FAIM2: variants seen among roughly 807,000 people sequenced by gnomAD.
FAIM2 encodes the protein protein lifeguard 2.
Under a neutral mutation model 47.4 loss-of-function variants are expected in FAIM2, and 27 were observed. That is an observed-to-expected ratio of 0.57 (90% CI 0.42 to 0.78). The LOEUF is 0.78. Among genes scored for constraint, FAIM2 ranks in the 30% least tolerant of loss-of-function variants. FAIM2 has a pLI of 0.00. For synonymous variants in FAIM2, 156 were observed against 159.3 expected (o/e 0.98, Z 0.16); for missense variants, 311 against 389.4 (o/e 0.80, Z 1.69).
chr12:49,870,904 A>G (rs527424872), intron 11 of FAIM2, among the ~76,000 whole-genome samples: 1 of 152,398 alleles, frequency 6.6e-6, no homozygotes, highest in African/African-American at 2.4e-5. Context: ...CTGTCCTCAC[A>G]GAGCTTAGAG....
intron 11 of FAIM2, among the ~76,000 whole-genome samples, chr12:49,875,630 AAGG>A (rs1309602527): frequency 6.6e-6 from 1 of 152,154 alleles, no homozygotes. Context: ...CCCAGGATGA[AAGG>A]GGGGTAGTGT....
chr12:49,873,723 C>T (rs1946717773), intron 11 of FAIM2, among the ~76,000 whole-genome samples: 1 of 152,130 alleles, frequency 6.6e-6, no homozygotes, highest in African/African-American at 2.4e-5. Flanking sequence ...TGATTTCTGC[C>T]CCAGCCCTTG....
At chr12:49,871,330 A>C (rs892092642) in intron 11 of FAIM2, among the ~76,000 whole-genome samples, 1 of 152,194 alleles carries the variant, frequency 6.6e-6, no homozygotes, top group South Asian at 2.1e-4. Context: ...CCTGCTGCTA[A>C]CAGCACCCGG....
chr12:49,870,601 C>G lies in FAIM2; in HGVS notation c.854G>C (p.Ser285Thr), dbSNP rs1946695326. 3 of 1,614,026 alleles carry G rather than the reference C, an allele frequency of 1.9e-6. No homozygotes were observed. The highest frequency in any genetic ancestry group is 2.2e-5 in the East Asian group (1 of 44,888). The change falls in exon 12 of 12, where the codon AGC (serine) becomes ACC (threonine). Residue 285 changes from serine (S) to threonine (T), a missense_variant. Coordinates refer to ENST00000320634, the MANE Select transcript of FAIM2 (RefSeq NM_012306.4). ...LLMGNRRHSLSPEEYIFGALN... is the reference protein window; with the variant it reads ...LLMGNRRHSLTPEEYIFGALN... ...GGCTCCAAAAATATACTCCTCAGGG[C>G]TCAGCGAGTGGCGTCGGTTACCCAT... is the stretch of plus-strand genomic sequence containing the variant.
intron 1 of FAIM2, chr12:49,901,643 G>T: frequency 3.9e-6 from 1 of 258,254 alleles, no homozygotes; most frequent in Non-Finnish European, 7.3e-6. Context: ...CCAGAAAAGA[G>T]CCTGGCACAT....
At position 49,896,007 on chromosome 12, in the gene FAIM2, G is replaced by C. The variant is rs567701212; in HGVS notation, c.434+1024C>G. On this transcript the variant is annotated intron_variant, in intron 5 of 11. Transcript: ENST00000320634. ...ATTCTCGCCCCACGCTTTTGCTTAAGCCACTTGTCTCCTGGGAACGCTGTC... is the reference window on the plus strand; with the variant it reads ...ATTCTCGCCCCACGCTTTTGCTTAACCCACTTGTCTCCTGGGAACGCTGTC... Among the ~76,000 whole-genome samples, 7 of 152,234 alleles carry C rather than the reference G, an allele frequency of 4.6e-5. No individual in the cohort carries two copies. The South Asian group carries it at 1.2e-3, about 27-fold the overall frequency.
intron 5 of FAIM2, among the ~76,000 whole-genome samples, chr12:49,892,102 G>A (rs890931370): frequency 4.0e-5 from 6 of 151,784 alleles, no homozygotes; most frequent in Non-Finnish European, 7.4e-5. Flanking sequence ...AACCTCCCAG[G>A]CCCCCTCACT....
At chr12:49,879,723 CAA>C (rs1345507042) in intron 11 of FAIM2, among the ~76,000 whole-genome samples, 23 of 130,200 alleles carry the variant, frequency 1.8e-4, no homozygotes, top group African/African-American at 6.5e-4. Flanking sequence ...TGTATATGTG[CAA>C]GTGTGTGTCT....
Position 49,870,423 on chromosome 12 carries a change from T to A in FAIM2, c.*81A>T, listed in dbSNP as rs1946693566. On this transcript the variant is annotated 3_prime_UTR_variant, in exon 12 of 12. Transcript: ENST00000320634. ...CTGGGTTGGCAGCTAGTTTTATATCTGGTCTCGCAGGAGCGCAGGGGAGGG... is the reference window on the plus strand; with the variant it reads ...CTGGGTTGGCAGCTAGTTTTATATCAGGTCTCGCAGGAGCGCAGGGGAGGG... The A allele has an allele frequency of 7.5e-7, 1 of 1,326,752 alleles. No homozygotes were observed. The highest frequency in any genetic ancestry group is 1.1e-6 in the Non-Finnish European group (1 of 941,252). The allele number at this position is 1,326,752 out of a possible 1,614,324, so 82.2% of individuals were successfully genotyped here.
chr12:49,875,765 A>G (rs548403903), intron 11 of FAIM2, among the ~76,000 whole-genome samples: 1 of 152,186 alleles, frequency 6.6e-6, no homozygotes, highest in Non-Finnish European at 1.5e-5. Flanking sequence ...GCCTGAGGTC[A>G]GGAGTTCGAG....
chr12:49,887,504 G>A (rs775097226), intron 10 of FAIM2, 65 bp from the exon 11 acceptor site: 94 of 1,403,598 alleles, frequency 6.7e-5, no homozygotes, highest in Non-Finnish European at 8.4e-5. Context: ...GGGCAGGGAG[G>A]AGGGTTCAGT....
rs1307687662 is a variant in FAIM2, at chr12:49,880,530, G to A, written c.801+6856C>T. ...TGAGTGTGTATGTGCATGTGTATAT[G>A]TGCGTGTGTATGTATGCATGCGTGT... On this transcript the variant is annotated intron_variant, in intron 11 of 11. Coordinates refer to ENST00000320634, the MANE Select transcript of FAIM2 (RefSeq NM_012306.4). Among the ~76,000 whole-genome samples, 5 of 129,860 alleles carry A rather than the reference G, an allele frequency of 3.9e-5. No homozygotes were observed. In the South Asian group the frequency reaches 1.3e-3, roughly 33 times the overall value. 85.2% of individuals were successfully genotyped at this position (129,860 alleles called of 152,430 possible). A position where few individuals can be genotyped will look rare whatever the true frequency, so the allele number is the denominator to read the frequency against.
At chr12:49,877,580 G>T (rs982228995) in intron 11 of FAIM2, among the ~76,000 whole-genome samples, 3 of 152,156 alleles carry the variant, frequency 2.0e-5, no homozygotes, top group Non-Finnish European at 1.5e-5. Flanking sequence ...TTTTCTAATT[G>T]TGAGGAAGGT....
chr12:49,892,503 T>C (rs297927), intron 5 of FAIM2, among the ~76,000 whole-genome samples: 2,105 of 152,302 alleles, frequency 0.014, 44 homozygotes, highest in African/African-American at 0.047. Flanking sequence ...CTCTGCCACA[T>C]CACAGGACCT....
chr12:49,896,241 C>T (rs994582947), intron 5 of FAIM2, among the ~76,000 whole-genome samples: 1 of 152,170 alleles, frequency 6.6e-6, no homozygotes, highest in Non-Finnish European at 1.5e-5. Flanking sequence ...TGCTCTGAGT[C>T]CCAGGATGGT....
At chr12:49,884,476 T>G (rs1297904126) in intron 11 of FAIM2, among the ~76,000 whole-genome samples, 1 of 152,194 alleles carries the variant, frequency 6.6e-6, no homozygotes, top group African/African-American at 2.4e-5. Context: ...TTAATGGGAC[T>G]ACTCCATTAG....
chr12:49,872,173 C>T (rs958672862), intron 11 of FAIM2, among the ~76,000 whole-genome samples: 3 of 152,018 alleles, frequency 2.0e-5, no homozygotes, highest in Admixed American at 6.5e-5. Context: ...AAGCTCGCAG[C>T]GTCATGGGGG....
chr12:49,895,286 C>T (rs970115692), intron 5 of FAIM2, among the ~76,000 whole-genome samples: 2 of 152,038 alleles, frequency 1.3e-5, no homozygotes, highest in Admixed American at 1.3e-4. Flanking sequence ...CAGATCTCAC[C>T]ATTCAGAGGT....
chr12:49,881,415 A>G (rs1212550837), intron 11 of FAIM2, among the ~76,000 whole-genome samples: 1 of 152,052 alleles, frequency 6.6e-6, no homozygotes, highest in Non-Finnish European at 1.5e-5. Flanking sequence ...TTCCTTCCCG[A>G]GGACTCTGGG....
Sources: gnomAD v4.1 joint callset for allele counts (sites outside exome capture counted in the v4.1 genomes callset) on GRCh38, gnomAD v4.1.1 for gene constraint, MANE v1.5 for transcripts, NCBI Gene and HGNC (gene_info 2026-07-23, HGNC 2026-07-21) for gene names.